The following PARD3B variants were observed in gnomAD, a reference collection of about 807,000 sequenced individuals.
The protein encoded by PARD3B is par-3 family cell polarity regulator beta, also known as partitioning defective 3 homolog B.
A neutral mutation model predicts 130.2 loss-of-function variants in PARD3B; 103 were observed. The observed-to-expected ratio is 0.79, with a 90% CI of 0.67 to 0.93. The LOEUF (loss-of-function observed/expected upper bound fraction) is 0.93. Among genes scored for constraint, PARD3B ranks in the 40% least tolerant of loss-of-function variants. The pLI is 0.00. For missense variants in PARD3B, 1,609 were observed against 1,499.2 expected, an observed-to-expected ratio of 1.07 and a Z score of -1.21; for synonymous variants, 583 against 553.2, an observed-to-expected ratio of 1.05 and a Z score of -0.76.
chr2:205,452,919 C>G (rs1575062212), intron 20 of PARD3B, among the ~76,000 whole-genome samples: 1 of 152,112 alleles, frequency 6.6e-6, no homozygotes, highest in East Asian at 1.9e-4. Context: ...AAAGGGTTAC[C>G]CTGATTTATT....
intron 1 of PARD3B, among the ~76,000 whole-genome samples, chr2:204,608,224 A>G (rs1332975554): frequency 6.6e-6 from 1 of 152,198 alleles, no homozygotes; most frequent in Non-Finnish European, 1.5e-5. Context: ...ATTTGCATTA[A>G]CACAACACTA....
chr2:205,353,326 T>C (rs1437172674), intron 18 of PARD3B, among the ~76,000 whole-genome samples: 1 of 152,300 alleles, frequency 6.6e-6, no homozygotes, highest in Non-Finnish European at 1.5e-5. Context: ...CCCTTGATAG[T>C]GCATTAGTAC....
At chr2:205,527,584 A>G (rs1167988098) in intron 21 of PARD3B, among the ~76,000 whole-genome samples, 1 of 152,150 alleles carries the variant, frequency 6.6e-6, no homozygotes, top group African/African-American at 2.4e-5. Flanking sequence ...TCTGCCATAG[A>G]AAACCTCCCA....
At chr2:204,659,554 C>T (rs563675417) in intron 1 of PARD3B, among the ~76,000 whole-genome samples, 2 of 152,246 alleles carry the variant, frequency 1.3e-5, no homozygotes, top group African/African-American at 4.8e-5. Context: ...AGTTGATTAC[C>T]ATTACACTGG....
intron 1 of PARD3B, among the ~76,000 whole-genome samples, chr2:204,568,578 TACA>T (rs1370127759): frequency 6.6e-6 from 1 of 152,200 alleles, no homozygotes; most frequent in Admixed American, 6.5e-5. Context: ...AAGCAGCAAT[TACA>T]ACACTTATTT....
chr2:204,624,099 G>T (rs1387766575), intron 1 of PARD3B, among the ~76,000 whole-genome samples: 1 of 152,092 alleles, frequency 6.6e-6, no homozygotes, highest in Non-Finnish European at 1.5e-5. Context: ...GCAGCCTGGG[G>T]AATGGGATAA....
At chr2:204,561,191 T>C (rs1329570293) in intron 1 of PARD3B, among the ~76,000 whole-genome samples, 1 of 152,212 alleles carries the variant, frequency 6.6e-6, no homozygotes, top group African/African-American at 2.4e-5. Flanking sequence ...GCCAATCTTT[T>C]GCACCAGTTG....
rs912378122 is a variant in PARD3B at position 205,589,612 on chromosome 2, T to G, written c.3261-25844T>G. Among the ~76,000 whole-genome samples, 20 of 152,204 alleles carry G rather than the reference T, an allele frequency of 1.3e-4. No individual in the cohort carries two copies. The highest frequency in any genetic ancestry group is 4.6e-4 in the African/African-American group (19 of 41,466). ...CTTGGGTCTGAGCAGGCAAGACTTG[T>G]CTTGGCATGTTTTCTATTTATATAA... On this transcript the variant is annotated intron_variant, in intron 22 of 22. Transcript: ENST00000406610. This position sits in a 1 kb window ranked among gnomAD's most constrained non-coding sequence, Gnocchi z 4.1.
intron 13 of PARD3B, among the ~76,000 whole-genome samples, chr2:205,177,552 A>G (rs1338835612): frequency 1.3e-5 from 2 of 152,182 alleles, no homozygotes; most frequent in Non-Finnish European, 2.9e-5. Context: ...ATCAGTCCCT[A>G]TATTTTGAAC....
At chr2:205,416,084 CTAGCTGA>C (rs914008092) in intron 19 of PARD3B, among the ~76,000 whole-genome samples, 2 of 151,946 alleles carry the variant, frequency 1.3e-5, no homozygotes, top group Non-Finnish European at 2.9e-5. Context: ...CAAGCATAGA[CTAGCTGA>C]GGAGTAGGGG....
chr2:205,148,029 G>T (rs908334218), intron 10 of PARD3B, among the ~76,000 whole-genome samples: 4 of 151,946 alleles, frequency 2.6e-5, no homozygotes, highest in Non-Finnish European at 5.9e-5. Flanking sequence ...ATTTATTTTT[G>T]TTGTCTATAG....
At chr2:205,152,083 T>C (rs1426897578) in intron 10 of PARD3B, among the ~76,000 whole-genome samples, 2 of 152,200 alleles carry the variant, frequency 1.3e-5, no homozygotes, top group Non-Finnish European at 2.9e-5. Context: ...ATGTTGAATA[T>C]TGGGCCTTAC....
chr2:205,006,558 A>G (rs916486793), intron 3 of PARD3B, among the ~76,000 whole-genome samples: 1 of 152,090 alleles, frequency 6.6e-6, no homozygotes, highest in South Asian at 2.1e-4. Context: ...TTCTCTGATG[A>G]TTAGTGATGT....
At chr2:204,644,684 C>T (rs185369351) in intron 1 of PARD3B, among the ~76,000 whole-genome samples, 1 of 151,908 alleles carries the variant, frequency 6.6e-6, no homozygotes, top group Non-Finnish European at 1.5e-5. Context: ...CAGGATTATT[C>T]CTAGGATAAA....
At chr2:204,851,129 G>A (rs9288356) in intron 2 of PARD3B, among the ~76,000 whole-genome samples, 39,436 of 152,094 alleles carry the variant, frequency 0.26, 9,356 homozygotes, top group African/African-American at 0.63. Flanking sequence ...ATGAAGCATA[G>A]TGATTACCCT....
At chr2:204,735,761 G>A (rs1410164294) in intron 2 of PARD3B, among the ~76,000 whole-genome samples, 2 of 152,124 alleles carry the variant, frequency 1.3e-5, no homozygotes, top group African/African-American at 4.8e-5. Flanking sequence ...GTTTTGACGA[G>A]ACTGTTTTTA....
At chr2:204,749,047 ATAAT>A (rs2040357955) in intron 2 of PARD3B, among the ~76,000 whole-genome samples, 1 of 152,140 alleles carries the variant, frequency 6.6e-6, no homozygotes, top group Non-Finnish European at 1.5e-5. Context: ...TCTCAAATTC[ATAAT>A]TAATTGAAAT....
intron 10 of PARD3B, among the ~76,000 whole-genome samples, chr2:205,129,682 C>T (rs1246670066): frequency 6.6e-6 from 1 of 152,198 alleles, no homozygotes; most frequent in Non-Finnish European, 1.5e-5. Context: ...AGCTCTGTAC[C>T]TTCTTAACAG....
chr2:205,555,806 G>T (rs924250925), intron 22 of PARD3B, among the ~76,000 whole-genome samples: 1 of 152,190 alleles, frequency 6.6e-6, no homozygotes, highest in African/African-American at 2.4e-5. Context: ...ATGCAAGGGG[G>T]ACCCCTGGCA....
Sources: gnomAD v4.1 joint callset for allele counts (sites outside exome capture counted in the v4.1 genomes callset) on GRCh38, gnomAD v4.1.1 for gene constraint, Gnocchi (gnomAD v3.1) non-coding constraint, MANE v1.5 for transcripts, NCBI Gene and HGNC (gene_info 2026-07-23, HGNC 2026-07-21) for gene names.